Variants in SASH1 observed in about 807,000 individuals in gnomAD.
SASH1 encodes the protein SAM and SH3 domain-containing protein 1.
Under a neutral mutation model 125.2 loss-of-function variants are expected in SASH1, and 44 were observed. That is an observed-to-expected ratio of 0.35 (90% CI 0.28 to 0.45). The LOEUF (loss-of-function observed/expected upper bound fraction) is 0.45, where lower values mean the gene tolerates loss of function less well. Ranked by LOEUF, SASH1 falls within the 20% of genes least tolerant of loss-of-function variation. The probability of loss-of-function intolerance (pLI) is 1.00; values close to 1 mark genes in which losing one functional copy is unlikely to be tolerated. For missense variants in SASH1, 1,426 were observed against 1,614.5 expected (o/e 0.88, Z 2.00); for synonymous variants, 639 against 649.1 (o/e 0.98, Z 0.24).
At chr6:148,471,371 C>A in intron 5 of SASH1, 46 bp from the exon 6 acceptor site, 1 of 1,086,320 alleles carries the variant, frequency 9.2e-7, no homozygotes, top group Non-Finnish European at 1.2e-6. Context: ...GAATTTATTG[C>A]TTGTGCTTTT....
chr6:148,459,909 G>A (rs1411319307), intron 4 of SASH1, among the ~76,000 whole-genome samples: 1 of 152,156 alleles, frequency 6.6e-6, no homozygotes, highest in Non-Finnish European at 1.5e-5. Flanking sequence ...GGTAGAGCTT[G>A]GCTTTGAATA....
At chr6:148,436,020 C>CATT (rs1351614403) in intron 2 of SASH1, among the ~76,000 whole-genome samples, 2 of 152,204 alleles carry the variant, frequency 1.3e-5, no homozygotes, top group African/African-American at 2.4e-5. Context: ...CCCCATTCCT[C>CATT]ATTTTGAAAA....
chr6:148,396,996 C>T (rs1463438270), intron 2 of SASH1, among the ~76,000 whole-genome samples: 3 of 152,020 alleles, frequency 2.0e-5, no homozygotes, highest in Non-Finnish European at 4.4e-5. Context: ...ATTACTTGTA[C>T]TTCATTAATA....
intron 4 of SASH1, among the ~76,000 whole-genome samples, chr6:148,447,592 C>G (rs1024956361): frequency 6.6e-6 from 1 of 152,106 alleles, no homozygotes; most frequent in Non-Finnish European, 1.5e-5. Context: ...TTGCTTGCAC[C>G]ACTGATCTGA....
chr6:148,516,794 C>T lies in SASH1; in HGVS notation c.862+2338C>T, dbSNP rs1022399044. On this transcript the variant is annotated intron_variant, in intron 9 of 19. Transcript: ENST00000367467. The stretch of plus-strand genomic sequence containing the variant: ...CAGCCAGCCAGCAGAAGGCCCAGCA[C>T]GATGTCCAGGCAGCCTGCTCCCTGA... 9.9e-5 allele frequency among the ~76,000 whole-genome samples: 15 copies of T among 152,230 alleles called. No individual in the cohort carries two copies. The East Asian group carries it at 2.3e-3, about 24-fold the overall frequency.
chr6:148,508,740 C>T lies in SASH1; in HGVS notation c.730-5584C>T, dbSNP rs1779944629. On this transcript the variant is annotated intron_variant, in intron 8 of 19. Coordinates refer to ENST00000367467, the MANE Select transcript of SASH1 (RefSeq NM_015278.5). ...TCATGTAACTCCAGAGAGACATGTT[C>T]CAGGAGTGCCTAATCTTAATTTTGA... 9 of 1,246,866 alleles carry T rather than the reference C, an allele frequency of 7.2e-6. 1 individual carries two copies. The Middle Eastern group carries it at 6.7e-4, about 92-fold the overall frequency. The allele number at this position is 1,246,866 out of a possible 1,614,324, so 77.2% of individuals were successfully genotyped here.
chr6:148,526,936 G>A (rs1392562710), intron 11 of SASH1, among the ~76,000 whole-genome samples: 1 of 149,312 alleles, frequency 6.7e-6, no homozygotes, highest in Non-Finnish European at 1.5e-5. Context: ...GCAGTGACGC[G>A]ATCTCAGCTC....
intron 1 of SASH1, among the ~76,000 whole-genome samples, chr6:148,305,623 CAAAA>C (rs59521298): frequency 3.3e-4 from 34 of 104,362 alleles, no homozygotes; most frequent in Admixed American, 6.4e-4. Flanking sequence ...GACTCTGACT[CAAAA>C]AAAAAAAAAA....
chr6:148,222,710 T>C, the SASH1 span, among the ~76,000 whole-genome samples: 9 of 152,192 alleles, frequency 5.9e-5, no homozygotes, highest in South Asian at 2.1e-4. Flanking sequence ...TTTACTACCA[T>C]TATCTTATAA....
Position 148,525,149 on chromosome 6 carries a change from C to G in SASH1, c.1210-142C>G, listed in dbSNP as rs911673598. 17 of 664,824 alleles carry G rather than the reference C, an allele frequency of 2.6e-5. No homozygotes were observed. In the Admixed American group the frequency reaches 3.1e-4, roughly 12 times the overall value. 41.2% of individuals were successfully genotyped at this position (664,824 alleles called of 1,614,324 possible). On this transcript the variant is annotated intron_variant, in intron 10 of 19. Coordinates refer to ENST00000367467, the MANE Select transcript of SASH1 (RefSeq NM_015278.5). ...CGACATGACTCATGTGTTTTTTTCT[C>G]ATCATTTCTCGTTTTCTACTTTCAT...
chr6:148,387,212 G>A (rs947134803), intron 1 of SASH1, among the ~76,000 whole-genome samples: 3 of 149,348 alleles, frequency 2.0e-5, no homozygotes, highest in Non-Finnish European at 3.0e-5. Context: ...CCGCCTTCTG[G>A]TTTCAAGCAA....
chr6:148,270,547 G>A (rs928728039), upstream of SASH1, among the ~76,000 whole-genome samples: 4 of 152,030 alleles, frequency 2.6e-5, no homozygotes, highest in African/African-American at 9.7e-5. Context: ...AAGGTAGTGG[G>A]TTTCTTGACC....
At chr6:148,194,635 C>T in the SASH1 span, among the ~76,000 whole-genome samples, 13 of 152,288 alleles carry the variant, frequency 8.5e-5, no homozygotes, top group South Asian at 2.1e-3. Context: ...GGTCCAGGTG[C>T]GGTGGCTCGT....
chr6:148,366,053 C>T (rs973445305), intron 1 of SASH1, among the ~76,000 whole-genome samples: 1 of 151,524 alleles, frequency 6.6e-6, no homozygotes, highest in African/African-American at 2.4e-5. Flanking sequence ...GTGGAGGTTG[C>T]GGTGAGCCGA....
At chr6:148,245,770 G>A in the SASH1 span, among the ~76,000 whole-genome samples, 1 of 151,932 alleles carries the variant, frequency 6.6e-6, no homozygotes, top group Non-Finnish European at 1.5e-5. Context: ...GGTGGATCAC[G>A]AGGTCAGGAG....
chr6:148,234,056 G>C, the SASH1 span, among the ~76,000 whole-genome samples: 1 of 151,908 alleles, frequency 6.6e-6, no homozygotes, highest in Non-Finnish European at 1.5e-5. Context: ...GATACAATTT[G>C]AGACAGGGTC....
the SASH1 span, among the ~76,000 whole-genome samples, chr6:148,197,103 G>C: frequency 6.6e-6 from 1 of 152,322 alleles, no homozygotes; most frequent in Admixed American, 6.5e-5. Flanking sequence ...AGTCAGAACA[G>C]TAGAATGGCT....
chr6:148,537,687 C>T (rs1781931056), intron 16 of SASH1, among the ~76,000 whole-genome samples: 1 of 152,048 alleles, frequency 6.6e-6, no homozygotes, highest in East Asian at 1.9e-4. Flanking sequence ...CTCTTCTTTC[C>T]CAAGGTAACT....
At chr6:148,381,860 T>C in intron 1 of SASH1, among the ~76,000 whole-genome samples, 1 of 151,984 alleles carries the variant, frequency 6.6e-6, no homozygotes, top group South Asian at 2.1e-4. Flanking sequence ...GGTCTCAAAC[T>C]CCTGACCTCA....
Sources: allele counts gnomAD v4.1 joint callset (sites outside exome capture counted in the v4.1 genomes callset), GRCh38; gene constraint gnomAD v4.1.1; transcripts MANE v1.5; gene names NCBI Gene and HGNC (gene_info 2026-07-23, HGNC 2026-07-21).